Variants in MVB12B observed in about 807,000 individuals in gnomAD.
MVB12B encodes multivesicular body subunit 12B.
A neutral mutation model predicts 41.6 loss-of-function variants in MVB12B; 16 were observed. That is an observed-to-expected ratio of 0.38 (90% CI 0.26 to 0.58). MVB12B has a LOEUF of 0.58. MVB12B is among the 20% of genes least tolerant of loss of function. The pLI is 0.62. For synonymous variants in MVB12B, 133 were observed against 139.7 expected (o/e 0.95, Z 0.34); for missense variants, 274 against 380.2 (o/e 0.72, Z 2.32).
At position 126,496,881 on chromosome 9, in the gene MVB12B, G is replaced by A. The variant is rs191543525; in HGVS notation, c.874-6296G>A. Among the ~76,000 whole-genome samples, 516 of 152,192 alleles carry A rather than the reference G, an allele frequency of 3.4e-3. 8 individuals are homozygous for A. Among genetic ancestry groups the A allele is most frequent in the East Asian group, 6.6e-3 (34 of 5,152 alleles). Reference sequence around the variant, plus strand: ...AGGTGAGGGCGCTCTCCAGGCCCCTGTCCCCCAGGGGACAGGCAGCCTAGG... The same window carrying A: ...AGGTGAGGGCGCTCTCCAGGCCCCTATCCCCCAGGGGACAGGCAGCCTAGG... On this transcript the variant is annotated intron_variant, in intron 9 of 9. Coordinates refer to ENST00000361171, the MANE Select transcript of MVB12B (RefSeq NM_033446.3).
intron 9 of MVB12B, among the ~76,000 whole-genome samples, chr9:126,492,244 A>G (rs1217272481): frequency 6.7e-6 from 1 of 148,962 alleles, no homozygotes; most frequent in Non-Finnish European, 1.5e-5. Flanking sequence ...TACCCTTTTT[A>G]ATGACTATAT....
intron 9 of MVB12B, among the ~76,000 whole-genome samples, chr9:126,491,956 T>C (rs1833740210): frequency 6.6e-6 from 1 of 152,130 alleles, no homozygotes; most frequent in South Asian, 2.1e-4. Flanking sequence ...GAGGTTCTTT[T>C]GGGCAGTTTA....
intron 2 of MVB12B, among the ~76,000 whole-genome samples, chr9:126,379,835 C>T (rs1333562766): frequency 6.6e-6 from 1 of 152,178 alleles, no homozygotes; most frequent in Non-Finnish European, 1.5e-5. Flanking sequence ...CAGGCAGAGG[C>T]CATCCATGTG....
At position 126,453,742 on chromosome 9, in the gene MVB12B, G is replaced by A. The variant is rs144469387; in HGVS notation, c.758-27627G>A. ...ACACTCTCACGTGTACATACATACC[G>A]TGTGCATGGTCTTGCATGTGACACA... On this transcript the variant is annotated intron_variant, in intron 7 of 9. Transcript: ENST00000361171. Among the ~76,000 whole-genome samples, 167 of 152,298 alleles carry A rather than the reference G, an allele frequency of 1.1e-3. 2 individuals carry two copies. Among genetic ancestry groups the A allele is most frequent in the Non-Finnish European group, 1.7e-3 (117 of 68,024 alleles).
chr9:126,427,126 G>A (rs1333383245), intron 7 of MVB12B, among the ~76,000 whole-genome samples: 1 of 152,046 alleles, frequency 6.6e-6, no homozygotes, highest in African/African-American at 2.4e-5. Context: ...GGGGGGAGGA[G>A]GGCTCCATAA....
intron 9 of MVB12B, among the ~76,000 whole-genome samples, chr9:126,498,898 C>CA (rs1488454213): frequency 6.6e-6 from 1 of 152,176 alleles, no homozygotes; most frequent in Admixed American, 6.5e-5. Context: ...TGAGTGTTTT[C>CA]AAAAAATGCT....
intron 7 of MVB12B, among the ~76,000 whole-genome samples, chr9:126,435,188 T>C (rs887657): frequency 0.89 from 134,856 of 152,176 alleles, 59,859 homozygotes; most frequent in East Asian, 1. Context: ...ACTCCAGAAG[T>C]GGAGCTGCTA....
chr9:126,487,110 G>A (rs1484816439), intron 9 of MVB12B, among the ~76,000 whole-genome samples: 5 of 152,218 alleles, frequency 3.3e-5, no homozygotes, highest in Admixed American at 6.5e-5. Context: ...GGCACACCCC[G>A]GAGTCAGTGC....
At chr9:126,479,915 G>A (rs115808685) in intron 7 of MVB12B, among the ~76,000 whole-genome samples, 75 of 152,280 alleles carry the variant, frequency 4.9e-4, no homozygotes, top group African/African-American at 1.7e-3. Context: ...GGGAGGATCC[G>A]TTCCAGGTTT....
chr9:126,435,812 G>A lies in MVB12B; in HGVS notation c.757+13864G>A, dbSNP rs10987276. 2.4e-3 allele frequency among the ~76,000 whole-genome samples: 367 copies of A among 152,314 alleles called. 2 individuals are homozygous for A. The highest frequency in any genetic ancestry group is 8.5e-3 in the African/African-American group (354 of 41,572). On this transcript the variant is annotated intron_variant, in intron 7 of 9. Transcript: ENST00000361171. ...ACAGGGGCACACCGTCTTTTCTCAG[G>A]GTTGGAGAGAGTAGATTAGACAACA...
intron 7 of MVB12B, among the ~76,000 whole-genome samples, chr9:126,469,089 C>A (rs1322406552): frequency 6.6e-6 from 1 of 152,200 alleles, no homozygotes; most frequent in Non-Finnish European, 1.5e-5. Flanking sequence ...GGCAGGAAGA[C>A]CCCTTGAGCC....
intron 4 of MVB12B, among the ~76,000 whole-genome samples, chr9:126,387,677 T>C (rs892244036): frequency 6.6e-6 from 1 of 152,274 alleles, no homozygotes; most frequent in Admixed American, 6.5e-5. Flanking sequence ...TTTTATGTAT[T>C]ACCTGATAAT....
Position 126,377,806 on chromosome 9 carries a change from C to T in MVB12B, c.205-3258C>T, listed in dbSNP as rs560972047. 2.0e-5 allele frequency among the ~76,000 whole-genome samples: 3 copies of T among 152,310 alleles called. No homozygotes were observed. The South Asian group carries it at 6.2e-4, about 32-fold the overall frequency. On this transcript the variant is annotated intron_variant, in intron 2 of 9. Transcript: ENST00000361171. ...TTTGTTCCCAGAGATTGGCACAGAG[C>T]CCCGGGACAACTGAGGACTTTTTGA... is the stretch of plus-strand genomic sequence containing the variant.
intron 9 of MVB12B, among the ~76,000 whole-genome samples, chr9:126,496,571 GTGT>G (rs745511552): frequency 6.6e-6 from 1 of 151,644 alleles, no homozygotes; most frequent in Admixed American, 6.6e-5. Flanking sequence ...GGTATAGAAA[GTGT>G]TGTTGTGGTC....
chr9:126,483,756 C>T (rs1158319195), intron 8 of MVB12B, among the ~76,000 whole-genome samples: 1 of 152,216 alleles, frequency 6.6e-6, no homozygotes, highest in Non-Finnish European at 1.5e-5. Context: ...GGGGCCAGCA[C>T]CTTGAGGGCC....
intron 7 of MVB12B, among the ~76,000 whole-genome samples, chr9:126,455,632 G>A (rs1383956257): frequency 6.6e-6 from 1 of 152,140 alleles, no homozygotes; most frequent in Non-Finnish European, 1.5e-5. Context: ...CCACAGGCGT[G>A]TGCCACCATG....
intron 2 of MVB12B, among the ~76,000 whole-genome samples, chr9:126,378,353 A>G (rs1013987054): frequency 6.6e-6 from 1 of 152,102 alleles, no homozygotes; most frequent in African/African-American, 2.4e-5. Flanking sequence ...GTTATTAGGC[A>G]CCTTTATGTG....
At chr9:126,489,585 A>G (rs1287979392) in intron 9 of MVB12B, among the ~76,000 whole-genome samples, 1 of 152,246 alleles carries the variant, frequency 6.6e-6, no homozygotes, top group African/African-American at 2.4e-5. Flanking sequence ...CGATTCAGAC[A>G]TGCTCCATGA....
At chr9:126,360,010 T>G (rs1318873926) in intron 2 of MVB12B, among the ~76,000 whole-genome samples, 1 of 152,184 alleles carries the variant, frequency 6.6e-6, no homozygotes, top group Non-Finnish European at 1.5e-5. Flanking sequence ...AAGGTGGAAG[T>G]TTTGGTCATT....
Sources: gnomAD v4.1 joint callset for allele counts (sites outside exome capture counted in the v4.1 genomes callset) on GRCh38, gnomAD v4.1.1 for gene constraint, MANE v1.5 for transcripts, NCBI Gene and HGNC (gene_info 2026-07-23, HGNC 2026-07-21) for gene names.